Variants in DDR2 observed in about 807,000 individuals in gnomAD.
DDR2 encodes discoidin domain-containing receptor 2.
In DDR2, 27 loss-of-function variants were observed where a neutral mutation model predicts 94.9. That is an observed-to-expected ratio of 0.28 (90% CI 0.21 to 0.39). The LOEUF (loss-of-function observed/expected upper bound fraction) is 0.39. DDR2 is among the 10% of genes least tolerant of loss of function. The pLI, the probability that DDR2 is intolerant of heterozygous loss-of-function variation, is 1.00. For synonymous variants in DDR2, 382 were observed against 377.2 expected (o/e 1.01, Z -0.15); for missense variants, 783 against 1,076.0 (o/e 0.73, Z 3.81).
intron 4 of DDR2, among the ~76,000 whole-genome samples, chr1:162,753,527 G>A (rs1663314676): frequency 6.6e-6 from 1 of 152,168 alleles, no homozygotes; most frequent in Non-Finnish European, 1.5e-5. Context: ...GGCAACAGTG[G>A]CACCTATGGG....
chr1:162,668,973 G>A (rs1305728538), intron 2 of DDR2, among the ~76,000 whole-genome samples: 1 of 152,162 alleles, frequency 6.6e-6, no homozygotes, highest in Non-Finnish European at 1.5e-5. Flanking sequence ...CAGAAATCTG[G>A]CAGCGGAGTC....
chr1:162,659,101 G>T (rs371526124), intron 2 of DDR2, among the ~76,000 whole-genome samples: 1 of 152,180 alleles, frequency 6.6e-6, no homozygotes, highest in Non-Finnish European at 1.5e-5. Flanking sequence ...CCTGTGATGT[G>T]TAAGGGACTC....
chr1:162,698,792 A>G (rs1000401116), intron 2 of DDR2, among the ~76,000 whole-genome samples: 2 of 152,164 alleles, frequency 1.3e-5, no homozygotes, highest in Non-Finnish European at 2.9e-5. Flanking sequence ...GAGGGGCTGT[A>G]CAGAGGATTC....
intron 11 of DDR2, among the ~76,000 whole-genome samples, chr1:162,769,336 A>C (rs903820452): frequency 6.6e-6 from 1 of 152,248 alleles, no homozygotes; most frequent in Non-Finnish European, 1.5e-5. Flanking sequence ...AAAATCATTA[A>C]GTACACACAT....
intron 8 of DDR2, among the ~76,000 whole-genome samples, chr1:162,760,196 T>G (rs867596648): frequency 6.6e-6 from 1 of 152,146 alleles, no homozygotes. Context: ...AGCTCTCTTT[T>G]TTTTGTTGTT....
At chr1:162,676,573 T>C (rs1294035909) in intron 2 of DDR2, among the ~76,000 whole-genome samples, 1 of 152,200 alleles carries the variant, frequency 6.6e-6, no homozygotes, top group African/African-American at 2.4e-5. Flanking sequence ...AGCTCAAACA[T>C]AGACTCCAAA....
At chr1:162,749,969 G>A (rs985238056) in intron 3 of DDR2, among the ~76,000 whole-genome samples, 2 of 152,182 alleles carry the variant, frequency 1.3e-5, no homozygotes, top group African/African-American at 4.8e-5. Context: ...AGCCCTTCAT[G>A]CTAAAAGCTC....
At chr1:162,728,339 TGA>T (rs1169461985) in intron 3 of DDR2, among the ~76,000 whole-genome samples, 3 of 151,500 alleles carry the variant, frequency 2.0e-5, no homozygotes, top group African/African-American at 7.3e-5. Context: ...ACTGAAGGTA[TGA>T]GAGTTAGCTG....
chr1:162,680,577 C>T (rs148264035), intron 2 of DDR2, among the ~76,000 whole-genome samples: 175 of 152,260 alleles, frequency 1.1e-3, no homozygotes, highest in Non-Finnish European at 2.1e-3. Flanking sequence ...TAACATGATA[C>T]CTCCTGGTTT....
In DDR2 at chr1:162,684,881, T is replaced by C. The variant is rs112912622; in HGVS notation, c.-28+29507T>C. On this transcript the variant is annotated intron_variant, in intron 2 of 17. Coordinates refer to ENST00000367921, the MANE Select transcript of DDR2 (RefSeq NM_006182.4). ...TACATGAATAGCACCCTTAGCACCA[T>C]TGCTACCTTATGTGATTCCTACCAT... is the stretch of plus-strand genomic sequence containing the variant. Among the ~76,000 whole-genome samples the C allele has an allele frequency of 1.2e-3, 187 of 150,382 alleles. 1 individual carries two copies. The highest frequency in any genetic ancestry group is 4.3e-3 in the African/African-American group (174 of 40,854).
chr1:162,773,359 C>A, intron 13 of DDR2, 110 bp from the exon 14 acceptor site: 1 of 1,436,182 alleles, frequency 7.0e-7, no homozygotes, highest in Admixed American at 1.7e-5. Context: ...GTCTTTTGAT[C>A]ATTTTGCCTG....
At chr1:162,741,725 C>T in intron 3 of DDR2, 4 of 985,358 alleles carry the variant, frequency 4.1e-6, no homozygotes, top group Non-Finnish European at 4.8e-6. Flanking sequence ...AAGTGAAGTT[C>T]TACATTATTA....
At position 162,772,141 on chromosome 1, in the gene DDR2, C is replaced by T. The variant is rs897127594; in HGVS notation, c.1622C>T (p.Pro541Leu). 5.6e-6 allele frequency: 9 copies of T among 1,614,088 alleles called. No homozygotes were observed. The highest frequency in any genetic ancestry group is 7.6e-6 in the Non-Finnish European group (9 of 1,180,044). The change falls in exon 13 of 18, where the codon CCT (proline) becomes CTT (leucine). Residue 541 changes from proline (P) to leucine (L), a missense_variant. Pro to Leu is a moderately conservative substitution (Grantham distance 98). This residue lies in a region of DDR2 where 264 missense variants were observed against 428.2 expected (regional missense o/e 0.62). Transcript: ENST00000367921. Reference protein sequence around the residue: ...GVTGGNTYSVPAVTMDLLSGK... With the variant: ...GVTGGNTYSVLAVTMDLLSGK... The stretch of plus-strand genomic sequence containing the variant: ...ACAGGAGGCAACACATACTCAGTGC[C>T]TGCCGTCACCATGGACCTGCTCTCA...
intron 10 of DDR2, among the ~76,000 whole-genome samples, chr1:162,766,448 C>G (rs1377334795): frequency 6.6e-6 from 1 of 152,136 alleles, no homozygotes; most frequent in African/African-American, 2.4e-5. Flanking sequence ...GCCATGTATG[C>G]ATTGCTTTAG....
At chr1:162,772,533 A>G (rs559028059) in intron 13 of DDR2, 9 of 415,524 alleles carry the variant, frequency 2.2e-5, no homozygotes, top group Non-Finnish European at 2.7e-5. Flanking sequence ...AATGTTTACA[A>G]TAGATTATGG....
chr1:162,768,527 A>G (rs994631411), intron 11 of DDR2, among the ~76,000 whole-genome samples: 6 of 152,172 alleles, frequency 3.9e-5, no homozygotes, highest in African/African-American at 9.7e-5. Flanking sequence ...TGGAACCTCT[A>G]TTCCAGAGGA....
intron 2 of DDR2, among the ~76,000 whole-genome samples, chr1:162,705,655 G>A (rs1660627757): frequency 6.6e-6 from 1 of 152,128 alleles, no homozygotes; most frequent in African/African-American, 2.4e-5. Context: ...CCTCGTTGTT[G>A]GAATGAAGAG....
rs768569430 is a variant in DDR2, at chr1:162,782,890, G to C, written c.*2644G>C. The C allele has an allele frequency of 1.3e-5, 2 of 152,122 alleles. No homozygotes were observed. Among genetic ancestry groups the C allele is most frequent in the Non-Finnish European group, 2.9e-5 (2 of 68,020 alleles). The allele number at this position is 152,122 out of a possible 1,614,324, so 9.4% of individuals were successfully genotyped here. ...TGTGTCCTTTTCTGGGATGAGGAAG[G>C]CTTCAACTTCTGGCACTGAGAACTT... On this transcript the variant is annotated 3_prime_UTR_variant, in exon 18 of 18. Coordinates refer to ENST00000367921, the MANE Select transcript of DDR2 (RefSeq NM_006182.4).
chr1:162,657,591 T>C (rs938034426), intron 2 of DDR2, among the ~76,000 whole-genome samples: 1 of 152,162 alleles, frequency 6.6e-6, no homozygotes, highest in Non-Finnish European at 1.5e-5. Context: ...GAGATTGAAC[T>C]CCTGAATTCT....
Sources: allele counts gnomAD v4.1 joint callset (sites outside exome capture counted in the v4.1 genomes callset), GRCh38; gene constraint gnomAD v4.1.1; regional missense constraint gnomAD v4.1.1; transcripts MANE v1.5; gene names NCBI Gene and HGNC (gene_info 2026-07-23, HGNC 2026-07-21).